TNS3: variants seen among roughly 807,000 people sequenced by gnomAD.
TNS3 encodes tensin 3, also known as tensin-3.
Under a neutral mutation model 140.9 loss-of-function variants are expected in TNS3, and 45 were observed. That is an observed-to-expected ratio of 0.32 (90% CI 0.25 to 0.41). The LOEUF (loss-of-function observed/expected upper bound fraction) is 0.41. TNS3 is among the 10% of genes least tolerant of loss of function. The pLI is 1.00. For missense variants in TNS3, 1,716 were observed against 1,906.7 expected (o/e 0.90, Z 1.86); for synonymous variants, 815 against 788.4 (o/e 1.03, Z -0.56).
At chr7:47,308,109 A>T (rs1440947833) in intron 20 of TNS3, among the ~76,000 whole-genome samples, 1 of 152,184 alleles carries the variant, frequency 6.6e-6, no homozygotes, top group East Asian at 1.9e-4. Context: ...ATCCATTTTC[A>T]GTTAATTTTT....
rs757904976 is a variant in TNS3, at chr7:47,344,804, T to G, written c.2601A>C (p.Pro867=). Residue 867 remains proline, a synonymous_variant, in exon 20 of 31, where the codon CCA becomes CCC. Transcript: ENST00000311160. ...KTALRHPPFS[P]PEPPLSSPAS... is the part of the protein sequence containing the mutation. The stretch of plus-strand genomic sequence containing the variant: ...CTGGGCTGCTCAGCGGGGGCTCAGG[T>G]GGGCTGAACGGAGGATGGCGCAGCG... 10 of 1,613,312 alleles carry G rather than the reference T, an allele frequency of 6.2e-6. No individual in the cohort carries two copies. The highest frequency in any genetic ancestry group is 7.6e-6 in the Non-Finnish European group (9 of 1,180,004).
At chr7:47,486,099 T>C (rs1797604877) in intron 3 of TNS3, among the ~76,000 whole-genome samples, 1 of 151,898 alleles carries the variant, frequency 6.6e-6, no homozygotes, top group Non-Finnish European at 1.5e-5. Flanking sequence ...TGTGGTGGTG[T>C]CTGTGTTTGA....
intron 20 of TNS3, among the ~76,000 whole-genome samples, chr7:47,335,178 C>T: frequency 6.6e-6 from 1 of 152,234 alleles, no homozygotes; most frequent in East Asian, 1.9e-4. Context: ...TCCTCCAACA[C>T]ATGGCTCCTG....
chr7:47,309,085 G>A (rs1034472740), intron 20 of TNS3, among the ~76,000 whole-genome samples: 2 of 152,170 alleles, frequency 1.3e-5, no homozygotes, highest in Admixed American at 1.3e-4. Flanking sequence ...GCGGTAAACT[G>A]GGACAACTGT....
chr7:47,515,794 C>A (rs938685213), intron 2 of TNS3, among the ~76,000 whole-genome samples: 3 of 152,250 alleles, frequency 2.0e-5, no homozygotes, highest in Non-Finnish European at 4.4e-5. Flanking sequence ...TCATCACCAT[C>A]ACTAACAATA....
chr7:47,535,213 CCA>C (rs1274172477), intron 1 of TNS3, among the ~76,000 whole-genome samples: 2 of 152,202 alleles, frequency 1.3e-5, no homozygotes, highest in East Asian at 1.9e-4. Context: ...AATGAATTAG[CCA>C]CAGTCTGTGG....
chr7:47,384,860 C>T (rs1221424958), intron 16 of TNS3, among the ~76,000 whole-genome samples: 1 of 152,236 alleles, frequency 6.6e-6, no homozygotes, highest in Admixed American at 6.5e-5. Context: ...CTGTGGCCCA[C>T]GTCCATGCCC....
intron 17 of TNS3, among the ~76,000 whole-genome samples, chr7:47,347,988 A>G (rs1485430361): frequency 2.0e-5 from 3 of 152,168 alleles, no homozygotes; most frequent in Admixed American, 6.5e-5. Context: ...CCCATGGTGC[A>G]GTGGTCCTCA....
intron 20 of TNS3, among the ~76,000 whole-genome samples, chr7:47,344,260 G>A (rs759858443): frequency 3.3e-5 from 5 of 152,122 alleles, no homozygotes; most frequent in Non-Finnish European, 5.9e-5. Flanking sequence ...GCAGACAGAC[G>A]GACGCGATCA....
intron 20 of TNS3, among the ~76,000 whole-genome samples, chr7:47,313,920 C>T (rs529013602): frequency 6.6e-6 from 1 of 152,338 alleles, no homozygotes; most frequent in East Asian, 1.9e-4. Flanking sequence ...CTCTGTCAGA[C>T]CAGTTCCTGA....
At chr7:47,486,277 C>T (rs1197168728) in intron 3 of TNS3, among the ~76,000 whole-genome samples, 3 of 151,800 alleles carry the variant, frequency 2.0e-5, no homozygotes, top group African/African-American at 4.8e-5. Context: ...AATGTATGAA[C>T]GTGCATGTGT....
intron 23 of TNS3, 52 bp downstream of exon 23, chr7:47,302,134 G>T (rs376485577): frequency 4.7e-6 from 7 of 1,479,420 alleles, no homozygotes; most frequent in Non-Finnish European, 5.7e-6. Context: ...ACAAGGCAGC[G>T]AAGCGGGCAC....
chr7:47,468,697 C>G (rs999154539), intron 4 of TNS3, among the ~76,000 whole-genome samples: 3 of 152,136 alleles, frequency 2.0e-5, no homozygotes, highest in African/African-American at 7.2e-5. Flanking sequence ...CTATTCCTAT[C>G]AAACTACTGA....
Position 47,404,852 on chromosome 7 carries a change from C to A in TNS3, c.724-3938G>T, listed in dbSNP as rs112936190. 4.6e-5 allele frequency among the ~76,000 whole-genome samples: 7 copies of A among 151,968 alleles called. 1 individual carries two copies. Among genetic ancestry groups the A allele is most frequent in the African/African-American group, 1.7e-4 (7 of 41,418 alleles). ...TGAGCCAAGATTGCACCACTGTACT[C>A]CAGCCTGGGTGACAGAGAGACACTC... On this transcript the variant is annotated intron_variant, in intron 13 of 30. Coordinates refer to ENST00000311160, the MANE Select transcript of TNS3 (RefSeq NM_022748.12).
At chr7:47,577,125 C>T (rs1395742602) in intron 1 of TNS3, among the ~76,000 whole-genome samples, 1 of 152,186 alleles carries the variant, frequency 6.6e-6, no homozygotes, top group Admixed American at 6.5e-5. Flanking sequence ...CCCCGGTGTC[C>T]CCAGGGGCAT....
At chr7:47,518,337 C>T (rs929294093) in intron 2 of TNS3, among the ~76,000 whole-genome samples, 5 of 152,228 alleles carry the variant, frequency 3.3e-5, no homozygotes, top group Admixed American at 1.3e-4. Flanking sequence ...TGTCATAGGG[C>T]GGCCATCTCC....
intron 20 of TNS3, among the ~76,000 whole-genome samples, chr7:47,316,327 G>C (rs1787409506): frequency 1.3e-5 from 2 of 152,168 alleles, no homozygotes; most frequent in Non-Finnish European, 2.9e-5. Flanking sequence ...AGATCTCCAA[G>C]TTCTAGCCTG....
intron 1 of TNS3, among the ~76,000 whole-genome samples, chr7:47,541,151 C>T (rs1214393524): frequency 6.6e-6 from 1 of 152,104 alleles, no homozygotes; most frequent in Admixed American, 6.5e-5. Context: ...TGGTCATGCA[C>T]AGGATGATTG....
rs373872568 is a variant in TNS3, at chr7:47,524,796, G to A, written c.-153+4240C>T. Among the ~76,000 whole-genome samples, 52 of 102,374 alleles carry A rather than the reference G, an allele frequency of 5.1e-4. 2 individuals carry two copies. In the East Asian group the frequency reaches 0.01, roughly 20 times the overall value. 67.2% of individuals were successfully genotyped at this position (102,374 alleles called of 152,430 possible). On this transcript the variant is annotated intron_variant, in intron 2 of 30. Coordinates refer to ENST00000311160, the MANE Select transcript of TNS3 (RefSeq NM_022748.12). ...CGCAGTCCGGCCTGGGCGACAGAGC[G>A]AGACTCCGTCTCAAGAAAAAAAAAA...
Sources: gnomAD v4.1 joint callset for allele counts (sites outside exome capture counted in the v4.1 genomes callset) on GRCh38, gnomAD v4.1.1 for gene constraint, MANE v1.5 for transcripts, NCBI Gene and HGNC (gene_info 2026-07-23, HGNC 2026-07-21) for gene names.